Variants in TMEM243 observed in about 807,000 individuals in gnomAD.
TMEM243 encodes the protein MDR1 and mitochondrial taxol resistance associated.
A neutral mutation model predicts 15.0 loss-of-function variants in TMEM243; 20 were observed. The observed-to-expected ratio is 1.33, with a 90% CI of 0.94 to 1.93. The LOEUF is 1.93. Among genes scored for constraint, TMEM243 ranks in the 30% most tolerant of loss-of-function variants. The probability of loss-of-function intolerance (pLI) is 0.00; values close to 1 mark genes in which losing one functional copy is unlikely to be tolerated. For missense variants in TMEM243, 156 were observed against 142.1 expected (o/e 1.10, Z -0.50); for synonymous variants, 72 against 52.7 (o/e 1.37, Z -1.59).
At chr7:87,220,555 G>T (rs1484720940), upstream of TMEM243, 1 of 152,296 alleles carries the variant, frequency 6.6e-6, no homozygotes, top group Non-Finnish European at 1.5e-5. Flanking sequence ...CCCCGACCCG[G>T]ACCCGCTGCC....
At position 87,204,135 on chromosome 7, in the gene TMEM243, C is replaced by G. The variant is rs568109176; in HGVS notation, c.79-5078G>C. Reference sequence around the variant, plus strand: ...ATGAGAGCCAAGCAAAAGGGGAAACCCCTTATAAAATCATCAGATCTTGTG... The same window carrying G: ...ATGAGAGCCAAGCAAAAGGGGAAACGCCTTATAAAATCATCAGATCTTGTG... On this transcript the variant is annotated intron_variant, in intron 1 of 3. Transcript: ENST00000257637. Among the ~76,000 whole-genome samples, 21 of 152,180 alleles carry G rather than the reference C, an allele frequency of 1.4e-4. No individual in the cohort carries two copies. The South Asian group carries it at 4.2e-3, about 30-fold the overall frequency.
chr7:87,219,762 C>G, upstream of TMEM243: 1 of 498,996 alleles, frequency 2.0e-6, no homozygotes. Flanking sequence ...GTGGCAGACT[C>G]TCAGCGGGAC....
At chr7:87,214,875 C>G (rs1486880253) in intron 1 of TMEM243, among the ~76,000 whole-genome samples, 1 of 152,158 alleles carries the variant, frequency 6.6e-6, no homozygotes, top group Admixed American at 6.5e-5. Flanking sequence ...TCATATACAC[C>G]TTACACACAT....
rs1313717955 is a variant in TMEM243 at position 87,199,007 on chromosome 7, T to C, written c.129A>G (p.Leu43=). 3.8e-6 allele frequency: 6 copies of C among 1,599,684 alleles called. No homozygotes were observed. Among genetic ancestry groups the C allele is most frequent in the Middle Eastern group, 1.7e-4 (1 of 5,956 alleles). ...TGAGGCACAAAATGAGGATACTTAC[T>C]AGAATCAATAAGGATGTTAAGCTGC... is the stretch of plus-strand genomic sequence containing the variant. ...VVGSLTSLLI[L]VTLISAFVFP... Residue 43 remains leucine, a splice_region_variant and synonymous_variant, in exon 2 of 4, where the codon CTA becomes CTG. Transcript: ENST00000257637.
In TMEM243 at chr7:87,198,036, T is replaced by C. The variant is rs371594820; in HGVS notation, c.139A>G (p.Ile47Val). Residue 47 changes from isoleucine (I) to valine (V), a missense_variant, in exon 3 of 4, where the codon ATA becomes GTA. Transcript: ENST00000257637. The part of the protein sequence containing the change: ...LTSLLILVTL[I>V]SAFVFPQLPP... Reference sequence around the variant, plus strand: ...AGTTGAGGGAAAACAAAAGCACTTATCAGCGTTACCTGTATGAAGAGAAAT... The same window carrying C: ...AGTTGAGGGAAAACAAAAGCACTTACCAGCGTTACCTGTATGAAGAGAAAT... 20 of 1,612,346 alleles carry C rather than the reference T, an allele frequency of 1.2e-5. No individual in the cohort carries two copies. In the African/African-American group the frequency reaches 1.3e-4, roughly 11 times the overall value.
At chr7:87,201,143 A>AT (rs1370527003) in intron 1 of TMEM243, among the ~76,000 whole-genome samples, 1 of 152,210 alleles carries the variant, frequency 6.6e-6, no homozygotes, top group Non-Finnish European at 1.5e-5. Context: ...CCAAGATGGG[A>AT]TGAACTATTT....
At chr7:87,207,069 C>T (rs1189927355) in intron 1 of TMEM243, among the ~76,000 whole-genome samples, 1 of 152,222 alleles carries the variant, frequency 6.6e-6, no homozygotes, top group Non-Finnish European at 1.5e-5. Context: ...CTAACAGATA[C>T]CTCCCAGGCT....
chr7:87,202,110 G>A (rs555570655), intron 1 of TMEM243, among the ~76,000 whole-genome samples: 1 of 152,232 alleles, frequency 6.6e-6, no homozygotes, highest in South Asian at 2.1e-4. Context: ...ATATATTTAT[G>A]CATTTAAACA....
At chr7:87,198,204 A>G in intron 2 of TMEM243, 159 bp from the exon 3 acceptor site, 1 of 555,174 alleles carries the variant, frequency 1.8e-6, no homozygotes. Context: ...AATTATAAAT[A>G]TGTTCGAGTT....
At chr7:87,204,972 T>C (rs1238672349) in intron 1 of TMEM243, among the ~76,000 whole-genome samples, 2 of 152,390 alleles carry the variant, frequency 1.3e-5, no homozygotes, top group East Asian at 3.9e-4. Context: ...GTATGTCCTC[T>C]AAAATCTAGG....
chr7:87,214,741 C>G (rs552680132), intron 1 of TMEM243, among the ~76,000 whole-genome samples: 66 of 152,212 alleles, frequency 4.3e-4, no homozygotes, highest in African/African-American at 1.6e-3. Context: ...GTTGGGTATC[C>G]CTTATCCAAA....
chr7:87,203,018 TG>T, intron 1 of TMEM243: 2 of 152,392 alleles, frequency 1.3e-5, no homozygotes, highest in Non-Finnish European at 2.9e-5. Flanking sequence ...AATGATCAGG[TG>T]GTAACAATGG....
intron 1 of TMEM243, among the ~76,000 whole-genome samples, chr7:87,210,381 C>G (rs937079444): frequency 9.2e-5 from 14 of 152,158 alleles, no homozygotes; most frequent in African/African-American, 3.1e-4. Context: ...TTAACTCATT[C>G]CAGCATTAAC....
At chr7:87,208,121 T>C (rs1417785281) in intron 1 of TMEM243, among the ~76,000 whole-genome samples, 1 of 152,154 alleles carries the variant, frequency 6.6e-6, no homozygotes, top group Non-Finnish European at 1.5e-5. Context: ...CCCTCCCAAA[T>C]CTCATGTCCT....
chr7:87,196,619 ACTT>A lies in TMEM243; in HGVS notation c.*14_*16del, dbSNP rs1801265966. 1.2e-6 allele frequency: 2 copies of A among 1,607,276 alleles called. No individual in the cohort carries two copies. The highest frequency in any genetic ancestry group is 4.5e-5 in the East Asian group (2 of 44,616). ...ATCATTTTGAAGAGTCCTGGTAAGTACTTCTCCTTGGCAGCCTCACCTTCCCAC... is the reference window on the plus strand; with the variant it reads ...ATCATTTTGAAGAGTCCTGGTAAGTACTCCTTGGCAGCCTCACCTTCCCAC... On this transcript the variant is annotated 3_prime_UTR_variant, in exon 4 of 4. Coordinates refer to ENST00000257637, the MANE Select transcript of TMEM243 (RefSeq NM_024315.4).
At chr7:87,213,530 G>A (rs1305111852) in intron 1 of TMEM243, among the ~76,000 whole-genome samples, 1 of 152,190 alleles carries the variant, frequency 6.6e-6, no homozygotes, top group African/African-American at 2.4e-5. Flanking sequence ...TAAGACAGAG[G>A]AAGGGGCTGC....
chr7:87,198,607 A>G (rs1287403119), intron 2 of TMEM243: 2 of 204,158 alleles, frequency 9.8e-6, no homozygotes, highest in African/African-American at 4.7e-5. Context: ...TGTATACTGT[A>G]TACAGGATGT....
At chr7:87,216,350 G>A (rs1049579485) in intron 1 of TMEM243, among the ~76,000 whole-genome samples, 1 of 152,020 alleles carries the variant, frequency 6.6e-6, no homozygotes, top group Non-Finnish European at 1.5e-5. Context: ...GGAGGCTGAA[G>A]TGGGGGAATT....
At chr7:87,209,976 CAGAG>C (rs1349942760) in intron 1 of TMEM243, among the ~76,000 whole-genome samples, 12 of 92,892 alleles carry the variant, frequency 1.3e-4, no homozygotes, top group Admixed American at 2.8e-4. Flanking sequence ...GGAGGGGGGA[CAGAG>C]AGAGAGACAG....
Sources: gnomAD v4.1 joint callset for allele counts (sites outside exome capture counted in the v4.1 genomes callset) on GRCh38, gnomAD v4.1.1 for gene constraint, MANE v1.5 for transcripts, NCBI Gene and HGNC (gene_info 2026-07-23, HGNC 2026-07-21) for gene names.